Variants in RANBP2 observed in about 807,000 individuals in gnomAD.
The protein encoded by RANBP2 is RAN binding protein 2.
A neutral mutation model predicts 303.6 loss-of-function variants in RANBP2; 57 were observed. That is an observed-to-expected ratio of 0.19 (90% confidence interval 0.15 to 0.23). The LOEUF (loss-of-function observed/expected upper bound fraction) is 0.23. Among genes scored for constraint, RANBP2 ranks in the 10% least tolerant of loss-of-function variants. RANBP2 has a pLI of 1.00. For missense variants in RANBP2, 3,138 were observed against 3,780.8 expected (o/e 0.83, Z 4.46); for synonymous variants, 1,167 against 1,301.5 (o/e 0.90, Z 2.23).
the RANBP2 span, chr2:108,923,401 A>T: frequency 6.2e-7 from 1 of 1,614,218 alleles, no homozygotes; most frequent in Non-Finnish European, 8.5e-7. Flanking sequence ...AGGAGGCAGG[A>T]GTAGCAGACC....
At chr2:109,522,479 T>C in the RANBP2 span, among the ~76,000 whole-genome samples, 1 of 152,074 alleles carries the variant, frequency 6.6e-6, no homozygotes, top group Admixed American at 6.5e-5. Context: ...GTATTTTTAG[T>C]AGAGACGGGG....
the RANBP2 span, among the ~76,000 whole-genome samples, chr2:109,254,404 C>T: frequency 8.1e-3 from 1,235 of 152,186 alleles, 4 homozygotes; most frequent in Non-Finnish European, 0.013. Context: ...CAGCACATTC[C>T]TCATTGGACT....
At chr2:108,976,597 G>A in the RANBP2 span, among the ~76,000 whole-genome samples, 6 of 152,168 alleles carry the variant, frequency 3.9e-5, no homozygotes, top group South Asian at 6.2e-4. Context: ...TCCTCTGCAC[G>A]GGAGACCTGC....
chr2:108,856,626 T>A, the RANBP2 span: 1 of 177,384 alleles, frequency 5.6e-6, no homozygotes, highest in Non-Finnish European at 1.1e-5. Flanking sequence ...CTTACCCATT[T>A]GAGTTCTGAC....
chr2:109,542,221 A>T, the RANBP2 span, among the ~76,000 whole-genome samples: 652 of 152,254 alleles, frequency 4.3e-3, 6 homozygotes, highest in African/African-American at 0.014. Flanking sequence ...TCATTAAAAA[A>T]TTTTTTCTTT....
At chr2:108,848,259 G>T in the RANBP2 span, among the ~76,000 whole-genome samples, 1 of 152,094 alleles carries the variant, frequency 6.6e-6, no homozygotes, top group South Asian at 2.1e-4. Flanking sequence ...AAGCAAAAAT[G>T]CAATAAGGGA....
the RANBP2 span, among the ~76,000 whole-genome samples, chr2:109,406,843 G>A: frequency 1.3e-5 from 2 of 152,174 alleles, no homozygotes; most frequent in African/African-American, 4.8e-5. Flanking sequence ...GCGCATTTCA[G>A]TGGTCGAAGC....
the RANBP2 span, among the ~76,000 whole-genome samples, chr2:108,861,983 T>G: frequency 6.6e-6 from 1 of 152,104 alleles, no homozygotes; most frequent in African/African-American, 2.4e-5. Flanking sequence ...AATTCTTTAG[T>G]TTTCATGTGT....
chr2:109,423,694 C>A, the RANBP2 span, among the ~76,000 whole-genome samples: 1 of 152,232 alleles, frequency 6.6e-6, no homozygotes, highest in African/African-American at 2.4e-5. Context: ...AGCCGCCCAG[C>A]CTCCTTTGAC....
the RANBP2 span, among the ~76,000 whole-genome samples, chr2:109,534,315 C>T: frequency 6.6e-6 from 1 of 152,292 alleles, no homozygotes; most frequent in Admixed American, 6.5e-5. Flanking sequence ...GGGCGCTCGG[C>T]CTCAGTTCCC....
chr2:109,082,054 G>C, the RANBP2 span, among the ~76,000 whole-genome samples: 1 of 152,178 alleles, frequency 6.6e-6, no homozygotes, highest in South Asian at 2.1e-4. Flanking sequence ...AGCCCACCTC[G>C]GCTGCAGGAA....
the RANBP2 span, among the ~76,000 whole-genome samples, chr2:109,118,534 C>T: frequency 1.1e-4 from 16 of 151,488 alleles, 1 homozygote; most frequent in East Asian, 1.0e-3. Flanking sequence ...GTTTGTCCAC[C>T]GCAGCCGGCC....
the RANBP2 span, among the ~76,000 whole-genome samples, chr2:109,382,351 C>T: frequency 6.6e-6 from 1 of 152,078 alleles, no homozygotes; most frequent in Non-Finnish European, 1.5e-5. Flanking sequence ...GAGTCTGCTG[C>T]AGTGGGGCTG....
chr2:108,751,917 A>G lies in RANBP2; in HGVS notation c.1678A>G (p.Asn560Asp). 9.9e-6 allele frequency: 16 copies of G among 1,611,982 alleles called. No homozygotes were observed. Among genetic ancestry groups the G allele is most frequent in the Non-Finnish European group, 1.3e-5 (15 of 1,179,848 alleles). Residue 560 changes from asparagine (N) to aspartate (D), a missense_variant, in exon 12 of 29, where the codon AAC becomes GAC. This residue lies in a region of RANBP2 where 162 missense variants were observed against 286.9 expected (regional missense o/e 0.56). Coordinates refer to ENST00000283195, the MANE Select transcript of RANBP2 (RefSeq NM_006267.5). ...GAGACTTCTAGTTCAGCATGAAATAAACACTCTAAGAGCCCAGGAAAAACA... is the reference window on the plus strand; with the variant it reads ...GAGACTTCTAGTTCAGCATGAAATAGACACTCTAAGAGCCCAGGAAAAACA... Reference protein sequence around the residue: ...KLRLLVQHEINTLRAQEKHGL... With the variant: ...KLRLLVQHEIDTLRAQEKHGL...
the RANBP2 span, among the ~76,000 whole-genome samples, chr2:109,410,782 T>C: frequency 6.6e-6 from 1 of 152,338 alleles, no homozygotes. Flanking sequence ...AGCCCTTTCC[T>C]GGGCATGGGC....
chr2:109,546,038 T>C, the RANBP2 span: 1 of 1,556,428 alleles, frequency 6.4e-7, no homozygotes, highest in Non-Finnish European at 8.6e-7. Context: ...GGAGGGTGGC[T>C]GGGCCTCTTA....
At chr2:109,110,641 A>G in the RANBP2 span, among the ~76,000 whole-genome samples, 1 of 152,142 alleles carries the variant, frequency 6.6e-6, no homozygotes, top group South Asian at 2.1e-4. Flanking sequence ...AATTGGCCCA[A>G]TCTCCTGGCC....
At chr2:108,814,318 G>T in the RANBP2 span, among the ~76,000 whole-genome samples, 2 of 152,134 alleles carry the variant, frequency 1.3e-5, no homozygotes, top group East Asian at 3.9e-4. Flanking sequence ...CAGTGGGTGT[G>T]TAGTAGTATC....
chr2:109,123,045 T>C, the RANBP2 span, among the ~76,000 whole-genome samples: 4 of 152,174 alleles, frequency 2.6e-5, no homozygotes, highest in Admixed American at 6.5e-5. Context: ...TCATGCCTGG[T>C]GGACGATGTA....
Sources: allele counts gnomAD v4.1 joint callset (sites outside exome capture counted in the v4.1 genomes callset), GRCh38; gene constraint gnomAD v4.1.1; regional missense constraint gnomAD v4.1.1; transcripts MANE v1.5; gene names NCBI Gene and HGNC (gene_info 2026-07-23, HGNC 2026-07-21).